PRKN: variants seen among roughly 807,000 people sequenced by gnomAD.
PRKN encodes parkin RBR E3 ubiquitin protein ligase.
In PRKN, 56 loss-of-function variants were observed where a neutral mutation model predicts 59.5. The observed-to-expected ratio is 0.94, with a 90% CI of 0.76 to 1.18. The LOEUF (loss-of-function observed/expected upper bound fraction) is 1.18, where lower values mean the gene tolerates loss of function less well. Ranked by LOEUF, PRKN falls within the 50% of genes most tolerant of loss-of-function variation. The pLI, the probability that PRKN is intolerant of heterozygous loss-of-function variation, is 0.00. For synonymous variants in PRKN, 250 were observed against 222.1 expected (o/e 1.13, Z -1.12); for missense variants, 657 against 596.4 (o/e 1.10, Z -1.06).
At chr6:162,303,134 A>C (rs1562654035) in intron 2 of PRKN, among the ~76,000 whole-genome samples, 1 of 119,604 alleles carries the variant, frequency 8.4e-6, no homozygotes, top group Non-Finnish European at 1.6e-5. Flanking sequence ...GGTGTAAAAA[A>C]AATCCACAAT....
At chr6:162,088,114 A>G (rs1287390976) in intron 4 of PRKN, among the ~76,000 whole-genome samples, 2 of 152,172 alleles carry the variant, frequency 1.3e-5, no homozygotes, top group East Asian at 1.9e-4. Flanking sequence ...AGAGGGCACA[A>G]TATTATCCAC....
At chr6:162,378,076 T>G (rs1238260181) in intron 2 of PRKN, among the ~76,000 whole-genome samples, 1 of 152,140 alleles carries the variant, frequency 6.6e-6, no homozygotes, top group East Asian at 1.9e-4. Context: ...AGGCAATACT[T>G]TAACATCACG....
intron 1 of PRKN, among the ~76,000 whole-genome samples, chr6:162,525,979 A>G (rs4425569): frequency 0.49 from 74,547 of 151,620 alleles, 18,976 homozygotes; most frequent in South Asian, 0.74. Flanking sequence ...TCTCAGCTTC[A>G]GACTACAGGT....
At chr6:162,226,047 G>A (rs946469260) in intron 3 of PRKN, among the ~76,000 whole-genome samples, 6 of 146,784 alleles carry the variant, frequency 4.1e-5, no homozygotes, top group Admixed American at 1.4e-4. Flanking sequence ...CAGGTAGGGA[G>A]AAGGCATCAA....
intron 2 of PRKN, among the ~76,000 whole-genome samples, chr6:162,433,993 T>C (rs1216717624): frequency 6.6e-6 from 1 of 152,140 alleles, no homozygotes; most frequent in African/African-American, 2.4e-5. Flanking sequence ...ACATATTAAA[T>C]CTTATCTGAG....
Position 162,451,122 on chromosome 6 carries a change from AAAAC to A in PRKN, c.8-7653_8-7650del, listed in dbSNP as rs578117100. 2.8e-4 allele frequency among the ~76,000 whole-genome samples: 43 copies of A among 152,292 alleles called. 2 individuals carry two copies. Among genetic ancestry groups the A allele is most frequent in the East Asian group, 7.7e-4 (4 of 5,186 alleles). On this transcript the variant is annotated intron_variant, in intron 1 of 11. Coordinates refer to ENST00000366898, the MANE Select transcript of PRKN (RefSeq NM_004562.3). ...AGATCAACCAAAATAAATGTCTTCC[AAAAC>A]AAACAAACAAAGAACCAAGGGTCAC...
chr6:161,773,955 C>A (rs778251320), intron 7 of PRKN, among the ~76,000 whole-genome samples: 1 of 152,076 alleles, frequency 6.6e-6, no homozygotes, highest in South Asian at 2.1e-4. Context: ...CTGTTTCAAA[C>A]GGACGGACGG....
chr6:162,025,291 CCG>C (rs1783388025), intron 5 of PRKN, among the ~76,000 whole-genome samples: 1 of 152,078 alleles, frequency 6.6e-6, no homozygotes, highest in Non-Finnish European at 1.5e-5. Flanking sequence ...GCGTGAGCCA[CCG>C]CACCCAGTCT....
chr6:162,229,430 C>T (rs182086879), intron 3 of PRKN, among the ~76,000 whole-genome samples: 3 of 152,332 alleles, frequency 2.0e-5, no homozygotes, highest in East Asian at 3.9e-4. Context: ...CAAGCACCTG[C>T]TCTTACCTGG....
rs1047071213 is a variant in PRKN at position 161,353,295 on chromosome 6, A to T, written c.1286-3084T>A. Among the ~76,000 whole-genome samples, 36 of 152,168 alleles carry T rather than the reference A, an allele frequency of 2.4e-4. No homozygotes were observed. Among genetic ancestry groups the T allele is most frequent in the South Asian group, 6.2e-4 (3 of 4,836 alleles). ...CTGTGGGTTATAAGACCCGGATTTCAGAAAGAGTCCTGTCCATCCCCTGGA... is the reference window on the plus strand; with the variant it reads ...CTGTGGGTTATAAGACCCGGATTTCTGAAAGAGTCCTGTCCATCCCCTGGA... On this transcript the variant is annotated intron_variant, in intron 11 of 11. Coordinates refer to ENST00000366898, the MANE Select transcript of PRKN (RefSeq NM_004562.3). This position sits in a 1 kb window ranked among gnomAD's most constrained non-coding sequence, Gnocchi z 4.8.
At chr6:161,583,007 C>T (rs1012095731) in intron 7 of PRKN, among the ~76,000 whole-genome samples, 28 of 146,812 alleles carry the variant, frequency 1.9e-4, no homozygotes, top group African/African-American at 7.0e-4. Flanking sequence ...CACACACACA[C>T]ACACACACAC....
chr6:162,489,169 A>C (rs751312261), intron 1 of PRKN, among the ~76,000 whole-genome samples: 5 of 152,114 alleles, frequency 3.3e-5, no homozygotes, highest in Non-Finnish European at 7.3e-5. Flanking sequence ...ACAACCTAAT[A>C]ATCTATGTAC....
chr6:162,465,296 TATA>T (rs917463266), intron 1 of PRKN, among the ~76,000 whole-genome samples: 2 of 152,234 alleles, frequency 1.3e-5, no homozygotes, highest in African/African-American at 4.8e-5. Flanking sequence ...TGTTGCTGTT[TATA>T]ATATTACCCT....
chr6:161,945,903 C>A (rs1192336450), intron 6 of PRKN, among the ~76,000 whole-genome samples: 1 of 152,152 alleles, frequency 6.6e-6, no homozygotes, highest in African/African-American at 2.4e-5. Flanking sequence ...TTATATCTCC[C>A]ACTGTCCTGC....
intron 7 of PRKN, among the ~76,000 whole-genome samples, chr6:161,721,218 A>G (rs1273903493): frequency 6.6e-6 from 1 of 152,252 alleles, no homozygotes; most frequent in East Asian, 1.9e-4. Context: ...AAATGTATAA[A>G]AGTATAAAAT....
At chr6:161,792,024 C>T (rs1249790924) in intron 6 of PRKN, among the ~76,000 whole-genome samples, 4 of 152,214 alleles carry the variant, frequency 2.6e-5, no homozygotes, top group Admixed American at 2.6e-4. Flanking sequence ...ATGGTGAAGT[C>T]CATGTAGCAA....
intron 9 of PRKN, among the ~76,000 whole-genome samples, chr6:161,493,621 A>G (rs1381869683): frequency 6.6e-6 from 1 of 152,220 alleles, no homozygotes; most frequent in Non-Finnish European, 1.5e-5. Flanking sequence ...AAGGGCACAG[A>G]TTACACGAAG....
chr6:162,477,427 A>C (rs1420681240), intron 1 of PRKN, among the ~76,000 whole-genome samples: 1 of 152,166 alleles, frequency 6.6e-6, no homozygotes, highest in Non-Finnish European at 1.5e-5. Flanking sequence ...TTCCATTGGC[A>C]TTTTTGACAG....
intron 2 of PRKN, among the ~76,000 whole-genome samples, chr6:162,290,666 G>A (rs776091500): frequency 6.6e-5 from 10 of 152,028 alleles, no homozygotes; most frequent in Non-Finnish European, 1.3e-4. Context: ...TTTTTCAAAT[G>A]GAAAATTAAT....
Sources: gnomAD v4.1 joint callset for allele counts (sites outside exome capture counted in the v4.1 genomes callset) on GRCh38, gnomAD v4.1.1 for gene constraint, Gnocchi (gnomAD v3.1) non-coding constraint, MANE v1.5 for transcripts, NCBI Gene and HGNC (gene_info 2026-07-23, HGNC 2026-07-21) for gene names.